Variants in CLVS1 observed in about 807,000 individuals in gnomAD.
The protein encoded by CLVS1 is clavesin 1, also known as clavesin-1.
Under a neutral mutation model 33.1 loss-of-function variants are expected in CLVS1, and 10 were observed. The observed-to-expected ratio is 0.30, with a 90% CI of 0.19 to 0.51. The LOEUF is 0.51. Ranked by LOEUF, CLVS1 falls within the 20% of genes least tolerant of loss-of-function variation. The pLI is 0.97. For missense variants in CLVS1, 343 were observed against 433.4 expected (o/e 0.79, Z 1.85); for synonymous variants, 163 against 166.1 (o/e 0.98, Z 0.14).
chr8:61,411,475 C>A (rs1479133918), intron 3 of CLVS1, among the ~76,000 whole-genome samples: 1 of 151,940 alleles, frequency 6.6e-6, no homozygotes, highest in Non-Finnish European at 1.5e-5. Flanking sequence ...ACTGCAGGAG[C>A]AGAGAGAGAG....
chr8:61,259,279 G>T (rs1585729181), intron 2 of CLVS1, among the ~76,000 whole-genome samples: 2 of 152,112 alleles, frequency 1.3e-5, no homozygotes, highest in African/African-American at 4.8e-5. Context: ...GGTGATAGGG[G>T]TTTCCTCCTA....
chr8:61,258,062 C>A (rs891951586), intron 2 of CLVS1, among the ~76,000 whole-genome samples: 1 of 152,156 alleles, frequency 6.6e-6, no homozygotes, highest in East Asian at 1.9e-4. Flanking sequence ...ATCAGTGAAA[C>A]CTCCTAATAG....
chr8:61,151,118 C>T (rs990375658), intron 2 of CLVS1, among the ~76,000 whole-genome samples: 9 of 152,018 alleles, frequency 5.9e-5, no homozygotes, highest in Admixed American at 2.0e-4. Context: ...CACAAACTCT[C>T]GTATCTACTT....
intron 2 of CLVS1, among the ~76,000 whole-genome samples, chr8:61,361,320 C>T (rs528819897): frequency 7.2e-5 from 11 of 152,284 alleles, no homozygotes; most frequent in Middle Eastern, 3.4e-3. Context: ...GAAGAATGCA[C>T]AGATTAGTAA....
chr8:61,322,909 C>T (rs1811249968), intron 2 of CLVS1, among the ~76,000 whole-genome samples: 1 of 152,106 alleles, frequency 6.6e-6, no homozygotes, highest in Admixed American at 6.6e-5. Context: ...AATTTAGTCT[C>T]CCTTACTTTG....
At chr8:61,193,405 A>G (rs1017489306) in intron 2 of CLVS1, among the ~76,000 whole-genome samples, 6 of 152,110 alleles carry the variant, frequency 3.9e-5, no homozygotes, top group African/African-American at 1.4e-4. Context: ...GCATTAGGAG[A>G]TATACCTAAT....
At chr8:61,229,141 A>G (rs1808385199) in intron 2 of CLVS1, among the ~76,000 whole-genome samples, 1 of 152,142 alleles carries the variant, frequency 6.6e-6, no homozygotes, top group Admixed American at 6.5e-5. Context: ...AGAAATGTCT[A>G]TTTAGGTCAA....
upstream of CLVS1, among the ~76,000 whole-genome samples, chr8:61,053,511 G>T (rs769485002): frequency 3.9e-5 from 6 of 152,220 alleles, no homozygotes; most frequent in African/African-American, 1.4e-4. Flanking sequence ...CAAAGTGGGG[G>T]CTATTGTTAA....
chr8:61,238,339 T>C (rs2931356), intron 2 of CLVS1, among the ~76,000 whole-genome samples: 93,123 of 150,806 alleles, frequency 0.62, 30,838 homozygotes, highest in East Asian at 0.96. Context: ...TTCCCTCCCC[T>C]GCTTACTACC....
chr8:61,343,928 T>A (rs1236299459), intron 2 of CLVS1, among the ~76,000 whole-genome samples: 1 of 152,174 alleles, frequency 6.6e-6, no homozygotes, highest in East Asian at 1.9e-4. Context: ...AAAAATAAAA[T>A]CTATTTTCTG....
chr8:61,163,787 G>A lies in CLVS1; in HGVS notation c.-152+31927G>A, dbSNP rs140668269. Among the ~76,000 whole-genome samples, 484 of 152,334 alleles carry A rather than the reference G, an allele frequency of 3.2e-3. 3 individuals carry two copies. Among genetic ancestry groups the A allele is most frequent in the African/African-American group, 6.9e-3 (287 of 41,566 alleles). The stretch of plus-strand genomic sequence containing the variant: ...AGGAACAATAGCAAGCCTTTAGGCC[G>A]TTGGGGAGTACCAATGGGCGCCTTG... On this transcript the variant is annotated intron_variant, in intron 2 of 2. Coordinates refer to the CLVS1 transcript ENST00000522621.
chr8:61,108,098 T>A (rs1299444792), intron 1 of CLVS1, among the ~76,000 whole-genome samples: 1 of 151,722 alleles, frequency 6.6e-6, no homozygotes, highest in African/African-American at 2.4e-5. Flanking sequence ...TGAAACCCCA[T>A]CTCTACTAAA....
At chr8:61,434,768 G>T (rs576285124) in intron 3 of CLVS1, among the ~76,000 whole-genome samples, 1 of 152,178 alleles carries the variant, frequency 6.6e-6, no homozygotes. Flanking sequence ...ACTTCACAGA[G>T]AGCACAGGTT....
chr8:61,444,741 A>G lies in CLVS1; in HGVS notation c.631-9400A>G, dbSNP rs80279356. Among the ~76,000 whole-genome samples, 609 of 152,304 alleles carry G rather than the reference A, an allele frequency of 4.0e-3. 2 individuals are homozygous for G. The highest frequency in any genetic ancestry group is 0.013 in the African/African-American group (551 of 41,580). On this transcript the variant is annotated intron_variant, in intron 3 of 5. Coordinates refer to ENST00000325897, the MANE Select transcript of CLVS1 (RefSeq NM_173519.3). Reference sequence around the variant, plus strand: ...GGCAAGAGCCTTTATTGTGATTTTCATAGGAAAGAATGGGTAAGGCTGGGA... The same window carrying G: ...GGCAAGAGCCTTTATTGTGATTTTCGTAGGAAAGAATGGGTAAGGCTGGGA...
At chr8:61,342,743 T>C (rs1407698533) in intron 2 of CLVS1, among the ~76,000 whole-genome samples, 2 of 152,164 alleles carry the variant, frequency 1.3e-5, no homozygotes, top group African/African-American at 2.4e-5. Context: ...AGAAAAGAAC[T>C]CTGGCATCCT....
At chr8:61,440,776 C>A (rs1285633418) in intron 3 of CLVS1, among the ~76,000 whole-genome samples, 1 of 152,112 alleles carries the variant, frequency 6.6e-6, no homozygotes, top group South Asian at 2.1e-4. Flanking sequence ...AAACCTAGAC[C>A]CCTCCTAACC....
intron 3 of CLVS1, among the ~76,000 whole-genome samples, chr8:61,391,469 G>C (rs576601555): frequency 6.6e-6 from 1 of 152,198 alleles, no homozygotes; most frequent in African/African-American, 2.4e-5. Flanking sequence ...GGGCTCAAAA[G>C]CTGGACTGAA....
At chr8:61,237,827 G>A (rs552645357) in intron 2 of CLVS1, among the ~76,000 whole-genome samples, 40 of 150,818 alleles carry the variant, frequency 2.7e-4, no homozygotes, top group Non-Finnish European at 4.4e-4. Context: ...CCAAATCCAC[G>A]GGGGTTCAGA....
intron 2 of CLVS1, among the ~76,000 whole-genome samples, chr8:61,233,695 C>G (rs1390588190): frequency 6.6e-6 from 1 of 152,252 alleles, no homozygotes; most frequent in Non-Finnish European, 1.5e-5. Context: ...CAGGTCTCCT[C>G]TCCTGCAGCC....
Sources: gnomAD v4.1 joint callset for allele counts (sites outside exome capture counted in the v4.1 genomes callset) on GRCh38, gnomAD v4.1.1 for gene constraint, MANE v1.5 for transcripts, NCBI Gene and HGNC (gene_info 2026-07-23, HGNC 2026-07-21) for gene names.